The following KLHL1 variants were observed in gnomAD, a reference collection of about 807,000 sequenced individuals.
KLHL1 encodes kelch like family member 1.
A neutral mutation model predicts 77.7 loss-of-function variants in KLHL1; 47 were observed. The observed-to-expected ratio is 0.60, with a 90% CI of 0.48 to 0.77. KLHL1 has a LOEUF of 0.77. Ranked by LOEUF, KLHL1 falls within the 30% of genes least tolerant of loss-of-function variation. The probability of loss-of-function intolerance (pLI) is 0.00; values close to 1 mark genes in which losing one functional copy is unlikely to be tolerated. For synonymous variants in KLHL1, 360 were observed against 325.2 expected, an observed-to-expected ratio of 1.11 and a Z score of -1.15; for missense variants, 925 against 910.8, an observed-to-expected ratio of 1.02 and a Z score of -0.20.
intron 4 of KLHL1, among the ~76,000 whole-genome samples, chr13:69,886,684 T>C (rs779100612): frequency 6.6e-6 from 1 of 152,152 alleles, no homozygotes; most frequent in Non-Finnish European, 1.5e-5. Flanking sequence ...TAAGTAACTT[T>C]AATTTTGTTT....
chr13:70,001,414 A>T (rs1288461603), intron 1 of KLHL1, among the ~76,000 whole-genome samples: 5 of 151,252 alleles, frequency 3.3e-5, no homozygotes, highest in African/African-American at 1.2e-4. Context: ...AGTACAATTC[A>T]ATTTCAACAA....
chr13:70,094,109 T>C (rs1237609651), intron 1 of KLHL1, among the ~76,000 whole-genome samples: 3 of 152,206 alleles, frequency 2.0e-5, no homozygotes, highest in Admixed American at 1.3e-4. Context: ...AACAAGATAT[T>C]ATGTGAAAAG....
chr13:70,001,572 G>T (rs1304858831), intron 1 of KLHL1, among the ~76,000 whole-genome samples: 1 of 124,352 alleles, frequency 8.0e-6, no homozygotes, highest in East Asian at 2.8e-4. Flanking sequence ...ATCTATCTAT[G>T]ATCTATGTGT....
intron 6 of KLHL1, among the ~76,000 whole-genome samples, chr13:69,814,152 C>A (rs367696033): frequency 3.3e-5 from 5 of 152,008 alleles, no homozygotes; most frequent in Non-Finnish European, 7.4e-5. Context: ...GGAAAGAATA[C>A]CCTAATCAAT....
intron 4 of KLHL1, among the ~76,000 whole-genome samples, chr13:69,900,529 C>T (rs1881817563): frequency 6.6e-6 from 1 of 152,124 alleles, no homozygotes; most frequent in Non-Finnish European, 1.5e-5. Context: ...TTTGTTTACC[C>T]ACACCTTTAG....
chr13:69,796,878 C>T lies in KLHL1; in HGVS notation c.1499G>A (p.Gly500Asp). ...GAGTTTGTCATCAATAACAGCCACA[C>T]CAAACTGCAGCCTTCTGCCATTCAT... Reference protein sequence around the residue: ...GMMNGRRLQFGVAVIDDKLFV... With the variant: ...GMMNGRRLQFDVAVIDDKLFV... The change falls in exon 7 of 11, where the codon GGT becomes GAT. Residue 500 changes from glycine (G) to aspartate (D), a missense_variant. Gly to Asp is a moderately conservative substitution (Grantham distance 94). Coordinates refer to ENST00000377844, the MANE Select transcript of KLHL1 (RefSeq NM_020866.3). The T allele has an allele frequency of 2.5e-6, 4 of 1,614,162 alleles. No individual in the cohort carries two copies. The highest frequency in any genetic ancestry group is 1.1e-5 in the South Asian group (1 of 91,090).
At chr13:69,752,100 C>T (rs1027132946) in intron 7 of KLHL1, among the ~76,000 whole-genome samples, 5 of 151,950 alleles carry the variant, frequency 3.3e-5, no homozygotes, top group Non-Finnish European at 7.4e-5. Flanking sequence ...TTTAATGAAG[C>T]GATATATACA....
chr13:70,080,512 T>C (rs574390253), intron 1 of KLHL1, among the ~76,000 whole-genome samples: 1 of 152,346 alleles, frequency 6.6e-6, no homozygotes, highest in African/African-American at 2.4e-5. Flanking sequence ...ATAAATATGC[T>C]GACAAAATAA....
At chr13:69,902,033 C>T (rs1360045027) in intron 4 of KLHL1, among the ~76,000 whole-genome samples, 1 of 152,144 alleles carries the variant, frequency 6.6e-6, no homozygotes, top group East Asian at 1.9e-4. Flanking sequence ...CTCCCAACCT[C>T]AGGTGATCTG....
intron 2 of KLHL1, among the ~76,000 whole-genome samples, chr13:69,972,204 C>T (rs987517693): frequency 6.6e-6 from 1 of 151,844 alleles, no homozygotes; most frequent in Non-Finnish European, 1.5e-5. Context: ...TAAGTAATTT[C>T]TTTTTAATGT....
chr13:69,939,390 C>CACACACACACTT (rs1243271608), intron 4 of KLHL1, among the ~76,000 whole-genome samples: 3 of 124,164 alleles, frequency 2.4e-5, no homozygotes, highest in Admixed American at 8.0e-5. Context: ...CACACACACA[C>CACACACACACTT]GCACACACAT....
chr13:69,977,440 AAATT>A, intron 1 of KLHL1, among the ~76,000 whole-genome samples: 1 of 152,264 alleles, frequency 6.6e-6, no homozygotes, highest in Middle Eastern at 3.4e-3. Flanking sequence ...TATGAAAAAT[AAATT>A]AATAGAAAAT....
chr13:69,851,024 C>T lies in KLHL1; in HGVS notation c.1228-11862G>A, dbSNP rs1020035991. Among the ~76,000 whole-genome samples the T allele has an allele frequency of 2.0e-5, 3 of 151,648 alleles. No homozygotes were observed. The Admixed American group carries it at 2.0e-4, about 10-fold the overall frequency. On this transcript the variant is annotated intron_variant, in intron 5 of 10. Coordinates refer to ENST00000377844, the MANE Select transcript of KLHL1 (RefSeq NM_020866.3). The stretch of plus-strand genomic sequence containing the variant: ...CCACTGGACTAGGCCTTATCTTCAA[C>T]ATGTTCTGTAATTTCTTCAATTCAC...
chr13:70,012,065 A>G (rs1566497126), intron 1 of KLHL1, among the ~76,000 whole-genome samples: 4 of 152,006 alleles, frequency 2.6e-5, no homozygotes, highest in African/African-American at 7.2e-5. Context: ...TATCACAAAA[A>G]CAGCATGAGA....
chr13:70,102,438 T>A (rs138943797), intron 1 of KLHL1, among the ~76,000 whole-genome samples: 15 of 152,304 alleles, frequency 9.8e-5, no homozygotes, highest in Admixed American at 3.3e-4. Context: ...TGACTAAGGC[T>A]TATCTAGAAT....
At chr13:69,972,069 T>C (rs1292016356) in intron 2 of KLHL1, among the ~76,000 whole-genome samples, 1 of 151,990 alleles carries the variant, frequency 6.6e-6, no homozygotes, top group South Asian at 2.1e-4. Flanking sequence ...GGATGGATGA[T>C]TTAGTAAAAT....
chr13:69,801,538 A>G (rs1459479935), intron 6 of KLHL1, among the ~76,000 whole-genome samples: 1 of 152,112 alleles, frequency 6.6e-6, no homozygotes, highest in African/African-American at 2.4e-5. Context: ...GCTTTTGTAC[A>G]GTAATAATAT....
chr13:69,852,673 C>T (rs1182673046), intron 5 of KLHL1, among the ~76,000 whole-genome samples: 1 of 151,916 alleles, frequency 6.6e-6, no homozygotes, highest in African/African-American at 2.4e-5. Flanking sequence ...GCCCAACATA[C>T]CTCTTTTGAT....
chr13:70,103,570 AAAG>A (rs1887975542), intron 1 of KLHL1, among the ~76,000 whole-genome samples: 1 of 152,128 alleles, frequency 6.6e-6, no homozygotes, highest in African/African-American at 2.4e-5. Flanking sequence ...ACTAGAGTTG[AAAG>A]AAGATCGTAG....
Sources: allele counts gnomAD v4.1 joint callset (sites outside exome capture counted in the v4.1 genomes callset), GRCh38; gene constraint gnomAD v4.1.1; transcripts MANE v1.5; gene names NCBI Gene and HGNC (gene_info 2026-07-23, HGNC 2026-07-21).